Variants in AFF3 observed in about 807,000 individuals in gnomAD.
AFF3 encodes ALF transcription elongation factor 3.
A neutral mutation model predicts 129.7 loss-of-function variants in AFF3; 32 were observed. The observed-to-expected ratio is 0.25, with a 90% CI of 0.19 to 0.33. AFF3 has a LOEUF of 0.33. Among genes scored for constraint, AFF3 ranks in the 10% least tolerant of loss-of-function variants. The pLI, the probability that AFF3 is intolerant of heterozygous loss-of-function variation, is 1.00. For missense variants in AFF3, 1,373 were observed against 1,592.0 expected, an observed-to-expected ratio of 0.86 and a Z score of 2.34; for synonymous variants, 644 against 635.4, an observed-to-expected ratio of 1.01 and a Z score of -0.20.
At chr2:99,875,866 C>T (rs889642500) in intron 7 of AFF3, among the ~76,000 whole-genome samples, 42 of 152,146 alleles carry the variant, frequency 2.8e-4, no homozygotes, top group African/African-American at 1.0e-3. Context: ...TGTTCCATTG[C>T]TCCACAAAAG....
At chr2:100,112,075 C>T (rs1691529657) in intron 2 of AFF3, among the ~76,000 whole-genome samples, 1 of 152,256 alleles carries the variant, frequency 6.6e-6, no homozygotes, top group South Asian at 2.1e-4. Context: ...TAGAGCTCAG[C>T]TTTGCTGAAC....
At chr2:99,615,185 G>A (rs1040781584) in intron 13 of AFF3, among the ~76,000 whole-genome samples, 2 of 152,162 alleles carry the variant, frequency 1.3e-5, no homozygotes, top group Non-Finnish European at 2.9e-5. Context: ...AATGGCTGCC[G>A]ATCTTTTTAT....
At position 99,579,951 on chromosome 2, in the gene AFF3, C is replaced by T. The variant is rs74956471; in HGVS notation, c.2794-1500G>A. On this transcript the variant is annotated intron_variant, in intron 17 of 24. Coordinates refer to ENST00000672756, the MANE Select transcript of AFF3 (RefSeq NM_001386135.1). ...CTTCTTTAAATAGGGACTGCTTTTA[C>T]GTGTAGCACTGTAAGGGTTAGAGTC... Among the ~76,000 whole-genome samples the T allele has an allele frequency of 7.6e-3, 1,162 of 152,278 alleles. 12 individuals are homozygous for T. The highest frequency in any genetic ancestry group is 0.026 in the African/African-American group (1,080 of 41,544).
intron 7 of AFF3, among the ~76,000 whole-genome samples, chr2:99,963,266 T>C (rs1394269858): frequency 2.6e-5 from 4 of 152,038 alleles, no homozygotes; most frequent in Non-Finnish European, 4.4e-5. Flanking sequence ...TACTAGCAAA[T>C]CTACCCTTAA....
At chr2:99,937,511 G>A (rs949180452) in intron 7 of AFF3, among the ~76,000 whole-genome samples, 2 of 152,056 alleles carry the variant, frequency 1.3e-5, no homozygotes, top group Admixed American at 6.6e-5. Flanking sequence ...CGATTCTCCC[G>A]CCTCAGCCTC....
intron 7 of AFF3, among the ~76,000 whole-genome samples, chr2:99,918,507 G>T (rs1022974783): frequency 2.0e-5 from 3 of 152,172 alleles, no homozygotes; most frequent in Non-Finnish European, 4.4e-5. Context: ...TCCATAAGGA[G>T]AATGTCTGTT....
At chr2:99,636,359 T>G (rs1683653259) in intron 13 of AFF3, among the ~76,000 whole-genome samples, 1 of 152,110 alleles carries the variant, frequency 6.6e-6, no homozygotes, top group African/African-American at 2.4e-5. Context: ...TCGGCTGGAT[T>G]GGGGCCAGTG....
chr2:99,559,241 C>A (rs1244979742), intron 21 of AFF3, among the ~76,000 whole-genome samples: 2 of 151,536 alleles, frequency 1.3e-5, no homozygotes, highest in South Asian at 4.2e-4. Context: ...CAGGGGCCGG[C>A]CGCTTCCTTC....
intron 4 of AFF3, among the ~76,000 whole-genome samples, chr2:100,023,907 C>T (rs113254778): frequency 3.9e-5 from 6 of 152,166 alleles, no homozygotes; most frequent in Non-Finnish European, 7.3e-5. Context: ...CCAGCAATAG[C>T]ATATTTAGGA....
At chr2:100,026,093 G>T (rs1215469401) in intron 4 of AFF3, among the ~76,000 whole-genome samples, 1 of 152,142 alleles carries the variant, frequency 6.6e-6, no homozygotes, top group Non-Finnish European at 1.5e-5. Flanking sequence ...AAAAGGAACA[G>T]TCGGCACAGT....
intron 12 of AFF3, among the ~76,000 whole-genome samples, chr2:99,651,319 C>T (rs1477081828): frequency 3.3e-5 from 5 of 152,162 alleles, no homozygotes; most frequent in African/African-American, 4.8e-5. Flanking sequence ...AGATGGCACA[C>T]GATGCTCTCT....
intron 4 of AFF3, among the ~76,000 whole-genome samples, chr2:100,083,905 T>C (rs1689223589): frequency 6.6e-6 from 1 of 152,048 alleles, no homozygotes; most frequent in Non-Finnish European, 1.5e-5. Context: ...GCTGCCCTTG[T>C]CTCAGCCTGG....
At chr2:100,069,032 T>C (rs1468432498) in intron 4 of AFF3, among the ~76,000 whole-genome samples, 2 of 152,170 alleles carry the variant, frequency 1.3e-5, no homozygotes, top group African/African-American at 4.8e-5. Flanking sequence ...TGGGGGTGTG[T>C]TGAACAGATT....
intron 4 of AFF3, among the ~76,000 whole-genome samples, chr2:100,103,760 G>C (rs1478165226): frequency 1.3e-5 from 2 of 152,006 alleles, no homozygotes; most frequent in African/African-American, 4.8e-5. Context: ...CAACTGTGAC[G>C]AGGTGTGAAG....
intron 4 of AFF3, among the ~76,000 whole-genome samples, chr2:100,026,716 AAT>A (rs141297271): frequency 8.2e-5 from 12 of 145,848 alleles, no homozygotes; most frequent in Middle Eastern, 3.6e-3. Flanking sequence ...TATATATATA[AAT>A]ATATATATAT....
chr2:100,086,411 C>T (rs1208674977), intron 4 of AFF3, among the ~76,000 whole-genome samples: 2 of 152,024 alleles, frequency 1.3e-5, no homozygotes, highest in East Asian at 3.9e-4. Flanking sequence ...ATCCCAGCTA[C>T]TTGGGAGGCT....
At chr2:100,123,995 T>C (rs1045787992) in intron 2 of AFF3, among the ~76,000 whole-genome samples, 9 of 151,988 alleles carry the variant, frequency 5.9e-5, no homozygotes, top group African/African-American at 2.2e-4. Flanking sequence ...AATATTACAC[T>C]CTTAAAAGCA....
chr2:99,651,245 T>C (rs1285143668), intron 12 of AFF3, among the ~76,000 whole-genome samples: 1 of 151,802 alleles, frequency 6.6e-6, no homozygotes, highest in East Asian at 1.9e-4. Flanking sequence ...TTTCCTTTTC[T>C]CTGGCTATTC....
chr2:100,027,779 A>C (rs1198338319), intron 4 of AFF3, among the ~76,000 whole-genome samples: 1 of 152,176 alleles, frequency 6.6e-6, no homozygotes, highest in Non-Finnish European at 1.5e-5. Context: ...TTTACATTTT[A>C]AGCAGTTTTT....
Sources: gnomAD v4.1 joint callset for allele counts (sites outside exome capture counted in the v4.1 genomes callset) on GRCh38, gnomAD v4.1.1 for gene constraint, MANE v1.5 for transcripts, NCBI Gene and HGNC (gene_info 2026-07-23, HGNC 2026-07-21) for gene names.